NALF1: variants seen among roughly 807,000 people sequenced by gnomAD.
NALF1 encodes NALCN channel auxiliary factor 1.
In NALF1, 3 loss-of-function variants were observed where a neutral mutation model predicts 48.4. The ratio of observed to expected loss-of-function variants is 0.06; its 90% CI spans 0.03 to 0.16. The LOEUF (loss-of-function observed/expected upper bound fraction) is 0.16, where lower values mean the gene tolerates loss of function less well. Ranked by LOEUF, NALF1 falls within the 10% of genes least tolerant of loss-of-function variation. The pLI is 1.00. For synonymous variants in NALF1, 262 were observed against 245.7 expected, an observed-to-expected ratio of 1.07 and a Z score of -0.62; for missense variants, 526 against 571.5, an observed-to-expected ratio of 0.92 and a Z score of 0.81.
chr13:107,662,726 A>G (rs1206842126), intron 1 of NALF1, among the ~76,000 whole-genome samples: 1 of 152,176 alleles, frequency 6.6e-6, no homozygotes, highest in Non-Finnish European at 1.5e-5. Flanking sequence ...CAGTAAAGAA[A>G]TTTTTAAAAG....
At chr13:107,798,353 A>T (rs185435942) in intron 1 of NALF1, among the ~76,000 whole-genome samples, 1 of 152,332 alleles carries the variant, frequency 6.6e-6, no homozygotes, top group African/African-American at 2.4e-5. Context: ...TACATTTTCC[A>T]TTCAGAATTG....
intron 1 of NALF1, among the ~76,000 whole-genome samples, chr13:107,360,787 C>T (rs1240958680): frequency 6.6e-6 from 1 of 152,158 alleles, no homozygotes; most frequent in African/African-American, 2.4e-5. Context: ...TAGAATGCAA[C>T]AATTGTAATA....
At position 107,631,107 on chromosome 13, in the gene NALF1, C is replaced by T. The variant is rs575008095; in HGVS notation, c.915+234575G>A. 4.6e-5 allele frequency among the ~76,000 whole-genome samples: 7 copies of T among 152,310 alleles called. No homozygotes were observed. The South Asian group carries it at 1.5e-3, about 32-fold the overall frequency. On this transcript the variant is annotated intron_variant, in intron 1 of 2. Coordinates refer to ENST00000375915, the MANE Select transcript of NALF1 (RefSeq NM_001080396.3). Reference sequence around the variant, plus strand: ...CTACCTCATGGGCTCAAGCAATCCTCCCACCTCAGCCTCCCAGTAGCTGGG... The same window carrying T: ...CTACCTCATGGGCTCAAGCAATCCTTCCACCTCAGCCTCCCAGTAGCTGGG...
intron 1 of NALF1, among the ~76,000 whole-genome samples, chr13:107,654,258 T>G (rs1880521121): frequency 6.6e-6 from 1 of 152,192 alleles, no homozygotes; most frequent in African/African-American, 2.4e-5. Context: ...TAAACACCTT[T>G]ATGTGCATAA....
In NALF1 at chr13:107,385,835, CA is replaced by C. The variant is rs1391442967; in HGVS notation, c.916-175081del. On this transcript the variant is annotated intron_variant, in intron 1 of 2. Coordinates refer to ENST00000375915, the MANE Select transcript of NALF1 (RefSeq NM_001080396.3). Reference sequence around the variant, plus strand: ...TGCTATTTCATAGCATATTTTTAAACATTTTTTTCTCACTCAGTTATAATAC... The same window carrying C: ...TGCTATTTCATAGCATATTTTTAAACTTTTTTTCTCACTCAGTTATAATAC... Among the ~76,000 whole-genome samples the C allele has an allele frequency of 7.2e-5, 11 of 152,236 alleles. No individual in the cohort carries two copies. The South Asian group carries it at 2.3e-3, about 32-fold the overall frequency.
At chr13:107,187,678 A>G (rs986690063) in intron 2 of NALF1, among the ~76,000 whole-genome samples, 5 of 152,166 alleles carry the variant, frequency 3.3e-5, no homozygotes, top group African/African-American at 7.2e-5. Context: ...TATCATTTTA[A>G]TCTATCAGGT....
At chr13:107,743,531 C>A (rs1251158902) in intron 1 of NALF1, among the ~76,000 whole-genome samples, 3 of 152,142 alleles carry the variant, frequency 2.0e-5, no homozygotes, top group Admixed American at 2.0e-4. Context: ...TACAAGAATC[C>A]GTTAGAGATG....
intron 1 of NALF1, among the ~76,000 whole-genome samples, chr13:107,846,728 CTATTCAT>C (rs1880182850): frequency 6.6e-6 from 1 of 152,148 alleles, no homozygotes; most frequent in Non-Finnish European, 1.5e-5. Context: ...TTCCAGACTT[CTATTCAT>C]AAAAGGCAGT....
At chr13:107,582,353 C>T (rs1280782712) in intron 1 of NALF1, among the ~76,000 whole-genome samples, 4 of 152,252 alleles carry the variant, frequency 2.6e-5, no homozygotes, top group South Asian at 2.1e-4. Flanking sequence ...ATGACAGTGA[C>T]GCCAGAAATA....
At chr13:107,560,615 A>G (rs570277217) in intron 1 of NALF1, among the ~76,000 whole-genome samples, 1 of 152,296 alleles carries the variant, frequency 6.6e-6, no homozygotes, top group Non-Finnish European at 1.5e-5. Context: ...CTATGTCATT[A>G]TTAGTATGTT....
intron 1 of NALF1, among the ~76,000 whole-genome samples, chr13:107,467,987 G>T (rs1885035100): frequency 6.6e-6 from 1 of 150,942 alleles, no homozygotes; most frequent in Admixed American, 6.6e-5. Context: ...GGCGGAGCTT[G>T]CAGTGAACTG....
intron 1 of NALF1, among the ~76,000 whole-genome samples, chr13:107,516,817 T>C (rs1876068472): frequency 6.6e-6 from 1 of 152,206 alleles, no homozygotes; most frequent in African/African-American, 2.4e-5. Flanking sequence ...TTCACTGATA[T>C]TTTCCCAAAT....
At chr13:107,447,743 A>C (rs1453010405) in intron 1 of NALF1, among the ~76,000 whole-genome samples, 1 of 152,100 alleles carries the variant, frequency 6.6e-6, no homozygotes, top group Non-Finnish European at 1.5e-5. Flanking sequence ...AGCTGCAGTC[A>C]ATTCTACTCT....
intron 1 of NALF1, among the ~76,000 whole-genome samples, chr13:107,442,462 G>A (rs1418685811): frequency 2.6e-5 from 4 of 152,176 alleles, no homozygotes; most frequent in Non-Finnish European, 5.9e-5. Flanking sequence ...TGGCCTGGGA[G>A]TATCTTTCAA....
intron 1 of NALF1, among the ~76,000 whole-genome samples, chr13:107,285,289 T>C (rs1300617130): frequency 2.0e-5 from 3 of 152,204 alleles, no homozygotes; most frequent in Admixed American, 2.0e-4. Context: ...GCCCTAGATA[T>C]ATGGGTGAAT....
chr13:107,474,678 G>A (rs1208010590), intron 1 of NALF1, among the ~76,000 whole-genome samples: 2 of 152,102 alleles, frequency 1.3e-5, no homozygotes, highest in Non-Finnish European at 2.9e-5. Flanking sequence ...ATTTTTCATA[G>A]TACACAGTCA....
chr13:107,707,428 G>A (rs913794809), intron 1 of NALF1, among the ~76,000 whole-genome samples: 1 of 152,118 alleles, frequency 6.6e-6, no homozygotes, highest in African/African-American at 2.4e-5. Flanking sequence ...TCATGTTGAT[G>A]ATGTCTCTCC....
chr13:107,770,149 G>A (rs1020218137), intron 1 of NALF1, among the ~76,000 whole-genome samples: 21 of 152,220 alleles, frequency 1.4e-4, no homozygotes, highest in Admixed American at 1.0e-3. Flanking sequence ...TCCTGACCTC[G>A]TGATCCACCC....
At chr13:107,243,800 C>G (rs1381715047) in intron 1 of NALF1, among the ~76,000 whole-genome samples, 2 of 152,194 alleles carry the variant, frequency 1.3e-5, no homozygotes, top group African/African-American at 2.4e-5. Flanking sequence ...AAAAGCATAG[C>G]CTCTGCTGTG....
Sources: allele counts gnomAD v4.1 joint callset (sites outside exome capture counted in the v4.1 genomes callset), GRCh38; gene constraint gnomAD v4.1.1; transcripts MANE v1.5; gene names NCBI Gene and HGNC (gene_info 2026-07-23, HGNC 2026-07-21).